Variants in PCDHGA4 observed in about 807,000 individuals in gnomAD.
PCDHGA4 encodes protocadherin gamma subfamily A, 4, also known as protocadherin gamma-A4.
In PCDHGA4, 38 loss-of-function variants were observed where a neutral mutation model predicts 54.6. That is an observed-to-expected ratio of 0.70 (90% CI 0.54 to 0.91). The LOEUF (loss-of-function observed/expected upper bound fraction) is 0.91, where lower values mean the gene tolerates loss of function less well. Among genes scored for constraint, PCDHGA4 ranks in the 40% least tolerant of loss-of-function variants. PCDHGA4 has a pLI of 0.00. For missense variants in PCDHGA4, 1,298 were observed against 1,220.9 expected (o/e 1.06, Z -0.94); for synonymous variants, 511 against 512.9 (o/e 1.00, Z 0.05).
At chr5:141,374,601 G>A (rs772584663) in intron 1 of PCDHGA4, 1 of 1,613,676 alleles carries the variant, frequency 6.2e-7, no homozygotes, top group Middle Eastern at 1.6e-4. Flanking sequence ...TTTAAGCTCA[G>A]TGGTAATAGT....
intron 1 of PCDHGA4, among the ~76,000 whole-genome samples, chr5:141,406,166 G>A (rs778809031): frequency 1.6e-4 from 24 of 151,400 alleles, no homozygotes; most frequent in Non-Finnish European, 3.2e-4. Context: ...TCAATCTCCT[G>A]GGCTTATGCA....
intron 1 of PCDHGA4, among the ~76,000 whole-genome samples, chr5:141,474,970 A>C (rs1309289477): frequency 6.6e-6 from 1 of 152,212 alleles, no homozygotes; most frequent in Admixed American, 6.5e-5. Context: ...TAATCATTAT[A>C]ATTTTGTTTG....
At position 141,360,035 on chromosome 5, in the gene PCDHGA4, G is replaced by A. The variant is rs78319344; in HGVS notation, c.2514+2414G>A. The A allele has an allele frequency of 1.7e-3, 2,428 of 1,406,266 alleles. 36 individuals carry two copies. In the African/African-American group the frequency reaches 0.032, roughly 18 times the overall value. The allele number at this position is 1,406,266 out of a possible 1,614,324, so 87.1% of individuals were successfully genotyped here. On this transcript the variant is annotated intron_variant, in intron 1 of 3. Transcript: ENST00000571252. ...CACAGAGAAGGCCAGTATAGATTCGGAAACAGAAAACAAAAGCAGGAAAAG... is the reference window on the plus strand; with the variant it reads ...CACAGAGAAGGCCAGTATAGATTCGAAAACAGAAAACAAAAGCAGGAAAAG...
At position 141,432,172 on chromosome 5, in the gene PCDHGA4, C is replaced by A. The variant is rs562175068; in HGVS notation, c.2515-62635C>A. ...AGAACAATCCCAGAGGAGTTTCCCT[C>A]GTCTCTGTGACCGCCCACGACCCCG... On this transcript the variant is annotated intron_variant, in intron 1 of 3. Coordinates refer to ENST00000571252, the MANE Select transcript of PCDHGA4 (RefSeq NM_018917.4). This position sits in a 1 kb window ranked among gnomAD's most constrained non-coding sequence, Gnocchi z 6.0. 5 of 1,614,152 alleles carry A rather than the reference C, an allele frequency of 3.1e-6. No homozygotes were observed. The South Asian group carries it at 4.4e-5, about 14-fold the overall frequency.
intron 1 of PCDHGA4, among the ~76,000 whole-genome samples, chr5:141,443,728 C>A (rs1434984241): frequency 1.3e-5 from 2 of 152,060 alleles, no homozygotes; most frequent in African/African-American, 2.4e-5. Flanking sequence ...ATTCCTCATA[C>A]ATTTCCCTAT....
At chr5:141,478,442 C>G (rs1245219009) in intron 1 of PCDHGA4, 1 of 1,613,608 alleles carries the variant, frequency 6.2e-7, no homozygotes, top group Non-Finnish European at 8.5e-7. Flanking sequence ...GCTGAAGAAA[C>G]CTGGTGCAGC....
At chr5:141,451,597 C>CAAGG (rs1434393705) in intron 1 of PCDHGA4, among the ~76,000 whole-genome samples, 3 of 152,076 alleles carry the variant, frequency 2.0e-5, no homozygotes, top group Non-Finnish European at 2.9e-5. Flanking sequence ...AAGTGACATA[C>CAAGG]AAGGCTAGGC....
intron 1 of PCDHGA4, chr5:141,395,493 A>T: frequency 2.0e-6 from 1 of 490,474 alleles, no homozygotes; most frequent in Non-Finnish European, 3.5e-6. Context: ...ATTATCACTC[A>T]TTCACTTAAG....
rs115001531 is a variant in PCDHGA4, at chr5:141,495,385, G to A, written c.2573+520G>A. Among the ~76,000 whole-genome samples the A allele has an allele frequency of 2.2e-3, 339 of 152,328 alleles. 1 individual carries two copies. Among genetic ancestry groups the A allele is most frequent in the African/African-American group, 7.9e-3 (329 of 41,590 alleles). ...AGGTGGAACTGAGGAAGGACTGGGC[G>A]GGGCATGGAGCAGGCCCCCTTCTCC... On this transcript the variant is annotated intron_variant, in intron 2 of 3. Transcript: ENST00000571252.
At chr5:141,370,168 C>A (rs890245618) in intron 1 of PCDHGA4, 2 of 458,196 alleles carry the variant, frequency 4.4e-6, no homozygotes, top group South Asian at 1.2e-4. Flanking sequence ...GCAGCAGAGG[C>A]GCCGGGTGCC....
intron 2 of PCDHGA4, among the ~76,000 whole-genome samples, chr5:141,502,857 ACT>A (rs1332453483): frequency 7.7e-5 from 7 of 91,446 alleles, no homozygotes; most frequent in African/African-American, 4.1e-4. Flanking sequence ...CCTAACCCTG[ACT>A]CTCTGTCTTT....
intron 3 of PCDHGA4, 69 bp from the exon 4 acceptor site, chr5:141,510,878 G>A (rs896348248): frequency 6.2e-7 from 1 of 1,610,438 alleles, no homozygotes; most frequent in African/African-American, 1.3e-5. Context: ...TTAACTGCTG[G>A]GGATATAAGA....
intron 1 of PCDHGA4, chr5:141,419,733 AGGTGCGCATGGTGCGTGCTTTG>A (rs763538035): frequency 1.1e-5 from 18 of 1,613,646 alleles, no homozygotes; most frequent in Non-Finnish European, 1.4e-5. Context: ...CGAACAGGCG[AGGTGCGCATGGTGCGTGCTTTG>A]GGTGACAAGG....
At chr5:141,373,460 C>G (rs919686552) in intron 1 of PCDHGA4, among the ~76,000 whole-genome samples, 2 of 152,198 alleles carry the variant, frequency 1.3e-5, no homozygotes, top group African/African-American at 4.8e-5. Flanking sequence ...GAGGTAGCAG[C>G]TGCAATGAGC....
chr5:141,418,748 A>G, intron 1 of PCDHGA4: 7 of 1,613,954 alleles, frequency 4.3e-6, no homozygotes, highest in East Asian at 2.2e-5. Context: ...TCTGGATTAC[A>G]CTACAGGAAA....
chr5:141,365,576 T>G, intron 1 of PCDHGA4: 1 of 1,613,666 alleles, frequency 6.2e-7, no homozygotes, highest in Non-Finnish European at 8.5e-7. Flanking sequence ...AGAAGAGACT[T>G]CAGATTATAA....
chr5:141,408,921 C>T (rs1228341286), intron 1 of PCDHGA4: 2 of 1,613,462 alleles, frequency 1.2e-6, no homozygotes, highest in African/African-American at 1.3e-5. Flanking sequence ...GATAACCCCC[C>T]GGTTTTCAGC....
intron 1 of PCDHGA4, chr5:141,394,704 G>A (rs1357305999): frequency 1.2e-6 from 2 of 1,613,268 alleles, no homozygotes; most frequent in East Asian, 2.2e-5. Context: ...CACGGCGCGA[G>A]CCCTGCTGGA....
rs376395066 is a variant in PCDHGA4 at position 141,490,681 on chromosome 5, C to G, written c.2515-4126C>G. On this transcript the variant is annotated intron_variant, in intron 1 of 3. Transcript: ENST00000571252. The surrounding 1 kb of genome is among the most constrained non-coding windows in gnomAD (Gnocchi z 5.4). ...TCTTTGCACTGTGGCTGCCTCAGATCCAGACACTGGGGATAATGCCCGCCT... is the reference window on the plus strand; with the variant it reads ...TCTTTGCACTGTGGCTGCCTCAGATGCAGACACTGGGGATAATGCCCGCCT... 2.5e-6 allele frequency: 4 copies of G among 1,613,998 alleles called. No homozygotes were observed. In the African/African-American group the frequency reaches 4.0e-5, roughly 16 times the overall value.
Sources: gnomAD v4.1 joint callset for allele counts (sites outside exome capture counted in the v4.1 genomes callset) on GRCh38, gnomAD v4.1.1 for gene constraint, Gnocchi (gnomAD v3.1) non-coding constraint, MANE v1.5 for transcripts, NCBI Gene and HGNC (gene_info 2026-07-23, HGNC 2026-07-21) for gene names.